REC8: variants seen among roughly 807,000 people sequenced by gnomAD.
REC8 encodes the protein REC8 meiotic recombination protein, also known as meiotic recombination protein REC8 homolog.
Under a neutral mutation model 78.3 loss-of-function variants are expected in REC8, and 42 were observed. The ratio of observed to expected loss-of-function variants is 0.54; its 90% CI spans 0.42 to 0.69. The LOEUF is 0.69. REC8 is among the 30% of genes least tolerant of loss of function. The pLI is 0.00. For synonymous variants in REC8, 268 were observed against 274.1 expected, an observed-to-expected ratio of 0.98 and a Z score of 0.22; for missense variants, 581 against 715.8, an observed-to-expected ratio of 0.81 and a Z score of 2.15.
downstream of REC8, chr14:24,180,389 G>C (rs1195074828): frequency 1.3e-6 from 2 of 1,578,460 alleles, no homozygotes; most frequent in African/African-American, 2.7e-5. Context: ...CTGAGAGGTG[G>C]TCTTAAGGCC....
rs1004506819 is a variant in REC8, at chr14:24,172,420, C to A, written c.-133C>A. 40 of 887,544 alleles carry A rather than the reference C, an allele frequency of 4.5e-5. 1 individual carries two copies. In the Admixed American group the frequency reaches 9.3e-4, roughly 21 times the overall value. The allele number at this position is 887,544 out of a possible 1,614,324, so 55.0% of individuals were successfully genotyped here. ...CCTCATTAACTTGGCTTTCTAGGTGCACCCACCTTGCCACCAGAGAAGTCC... is the reference window on the plus strand; with the variant it reads ...CCTCATTAACTTGGCTTTCTAGGTGAACCCACCTTGCCACCAGAGAAGTCC... On this transcript the variant is annotated 5_prime_UTR_variant, in exon 1 of 19. Coordinates refer to ENST00000611366, the MANE Select transcript of REC8 (RefSeq NM_001048205.2).
chr14:24,176,738 T>G, intron 6 of REC8, 84 bp from the exon 7 acceptor site: 1 of 1,079,598 alleles, frequency 9.3e-7, no homozygotes, highest in South Asian at 1.3e-5. Flanking sequence ...TACCTTGACT[T>G]CAGAGTCCAT....
At chr14:24,175,093 G>C (rs1448771741) in intron 5 of REC8, among the ~76,000 whole-genome samples, 2 of 150,282 alleles carry the variant, frequency 1.3e-5, no homozygotes, top group African/African-American at 2.5e-5. Flanking sequence ...TGCAATCTCT[G>C]CTTCCCAGGT....
chr14:24,172,240 T>C lies in REC8; in HGVS notation c.-313T>C. On this transcript the variant is annotated 5_prime_UTR_variant, in exon 1 of 19. Coordinates refer to ENST00000611366, the MANE Select transcript of REC8 (RefSeq NM_001048205.2). ...TCTGGATTCCGGCCCGGACGTCCCC[T>C]TGGAGCTCTGCATCTCCAACCTGGA... 2.4e-6 allele frequency: 1 copy of C among 423,738 alleles called. No individual in the cohort carries two copies. Among genetic ancestry groups the C allele is most frequent in the South Asian group, 3.2e-5 (1 of 30,878 alleles). The allele number at this position is 423,738 out of a possible 1,614,324, so 26.2% of individuals were successfully genotyped here.
chr14:24,178,939 G>C, intron 14 of REC8, 23 bp downstream of exon 14: 1 of 1,611,960 alleles, frequency 6.2e-7, no homozygotes, highest in Non-Finnish European at 8.5e-7. Context: ...CCTGTTTACT[G>C]CATCGCCCCA....
rs767176568 is a variant in REC8, at chr14:24,172,735, C to G, written c.79C>G (p.Arg27Gly). 3 of 1,614,180 alleles carry G rather than the reference C, an allele frequency of 1.9e-6. No individual in the cohort carries two copies. Among genetic ancestry groups the G allele is most frequent in the South Asian group, 2.2e-5 (2 of 91,088 alleles). Residue 27 changes from arginine to glycine, a missense_variant, in exon 2 of 19, where the codon CGG becomes GGG. Coordinates refer to ENST00000611366, the MANE Select transcript of REC8 (RefSeq NM_001048205.2). ...TIWLAATRGS[R>G]LVKREYLRVN... is the part of the protein sequence containing the mutation. ...CAGGCTGGCGGCGACTCGCGGCAGC[C>G]GGTTGGTGAAGCGCGAATACCTGAG...
intron 5 of REC8, 38 bp downstream of exon 5, chr14:24,173,449 C>T: frequency 6.2e-7 from 1 of 1,611,156 alleles, no homozygotes; most frequent in Non-Finnish European, 8.5e-7. Context: ...ATTGGCAATG[C>T]AGAAGGGGAG....
chr14:24,175,083 T>G (rs1484229532), intron 5 of REC8, among the ~76,000 whole-genome samples: 5 of 151,308 alleles, frequency 3.3e-5, no homozygotes, highest in Admixed American at 2.0e-4. Context: ...CTCAGCTCAC[T>G]GCAATCTCTG....
At chr14:24,180,853 G>T (rs140646996), downstream of REC8, 486 of 989,446 alleles carry the variant, frequency 4.9e-4, 3 homozygotes, top group East Asian at 0.012. Context: ...CTCTTATCAG[G>T]GGGGTGGTTG....
chr14:24,174,962 C>A (rs1467428056), intron 5 of REC8, among the ~76,000 whole-genome samples: 1 of 151,726 alleles, frequency 6.6e-6, no homozygotes, highest in East Asian at 1.9e-4. Context: ...CCTCTGTCAA[C>A]CACAACACTT....
At chr14:24,175,400 G>C (rs189171100) in intron 5 of REC8, 143 bp from the exon 6 acceptor site, 2 of 653,232 alleles carry the variant, frequency 3.1e-6, no homozygotes, top group Non-Finnish European at 5.5e-6. Context: ...GAGGGCGGGT[G>C]AGTTTACTGC....
Position 24,177,180 on chromosome 14 carries a change from G to A in REC8, c.664G>A (p.Asp222Asn), listed in dbSNP as rs1418100232. 1 of 1,614,122 alleles carries A rather than the reference G, an allele frequency of 6.2e-7. No homozygotes were observed. The highest frequency in any genetic ancestry group is 1.7e-5 in the Admixed American group (1 of 60,016). ...CCCAGAGGTCAGCCGCCGAGAACTGGACCTGCTGATCGCAGAGGAAGAAGA... is the reference window on the plus strand; with the variant it reads ...CCCAGAGGTCAGCCGCCGAGAACTGAACCTGCTGATCGCAGAGGAAGAAGA... ...ELPEVSRREL[D>N]LLIAEEEEAI... is the part of the protein sequence containing the mutation. Residue 222 changes from aspartate (D) to asparagine (N), a missense_variant, in exon 8 of 19, where the codon GAC becomes AAC. Asp to Asn is a conservative substitution (Grantham distance 23, BLOSUM62 1). Transcript: ENST00000611366.
downstream of REC8, chr14:24,180,378 GCTGAGAGGTGGT>G: frequency 6.4e-7 from 1 of 1,564,706 alleles, no homozygotes; most frequent in Non-Finnish European, 8.7e-7. Flanking sequence ...ACTGAACTGG[GCTGAGAGGTGGT>G]CTTAAGGCCT....
downstream of REC8, chr14:24,180,440 G>T: frequency 1.9e-6 from 3 of 1,608,642 alleles, no homozygotes; most frequent in Non-Finnish European, 2.6e-6. Context: ...GCAGCCTGCA[G>T]TCTAGGAGAG....
In REC8 at chr14:24,178,816, A is replaced by T; in HGVS notation, c.1103A>T (p.His368Leu). ...LPPELLGLWTHCAQPPPKALR... is the reference protein window; with the variant it reads ...LPPELLGLWTLCAQPPPKALR... ...CCTGAACTACTGGGTCTCTGGACCCATTGTGCCCAGCCACCCCCAAAAGCC... is the reference window on the plus strand; with the variant it reads ...CCTGAACTACTGGGTCTCTGGACCCTTTGTGCCCAGCCACCCCCAAAAGCC... The change falls in exon 14 of 19, where the codon CAT becomes CTT. Residue 368 changes from histidine to leucine, a missense_variant. Physicochemically the swap from His to Leu is moderately conservative, Grantham distance 99. Transcript: ENST00000611366. 6.2e-7 allele frequency: 1 copy of T among 1,613,816 alleles called. No individual in the cohort carries two copies. Among genetic ancestry groups the T allele is most frequent in the East Asian group, 2.2e-5 (1 of 44,882 alleles).
Position 24,178,651 on chromosome 14 carries a change from T to C in REC8, c.1042T>C (p.Leu348=). ...PERTIRGPAE[L]FRTPTLSGWL... ...GAGGACCATCAGAGGCCCTGCGGAG[T>C]TGTTCAGAACCCCAACTCTCTGTAA... The change falls in exon 13 of 19, where the codon TTG becomes CTG. Residue 348 remains leucine (L), a synonymous_variant. Transcript: ENST00000611366. 1 of 1,613,404 alleles carries C rather than the reference T, an allele frequency of 6.2e-7. No individual in the cohort carries two copies. Among genetic ancestry groups the C allele is most frequent in the South Asian group, 1.1e-5 (1 of 91,018 alleles).
chr14:24,180,310 G>A, downstream of REC8: 1 of 1,503,630 alleles, frequency 6.7e-7, no homozygotes, highest in East Asian at 2.4e-5. Flanking sequence ...GCCCTGTAAG[G>A]CAGCAAGTGG....
intron 5 of REC8, chr14:24,175,298 G>C (rs2038840844): frequency 7.9e-6 from 3 of 377,824 alleles, no homozygotes; most frequent in Middle Eastern, 5.9e-4. Context: ...GAGCCACCGA[G>C]CCCGGCCTTC....
chr14:24,175,080 C>G (rs572162454), intron 5 of REC8, among the ~76,000 whole-genome samples: 35 of 150,838 alleles, frequency 2.3e-4, no homozygotes, highest in Middle Eastern at 6.8e-3. Flanking sequence ...AATCTCAGCT[C>G]ACTGCAATCT....
Sources: allele counts gnomAD v4.1 joint callset (sites outside exome capture counted in the v4.1 genomes callset), GRCh38; gene constraint gnomAD v4.1.1; transcripts MANE v1.5; gene names NCBI Gene and HGNC (gene_info 2026-07-23, HGNC 2026-07-21).